The following ADCY8 variants were observed in gnomAD, a reference collection of about 807,000 sequenced individuals.
The protein encoded by ADCY8 is adenylate cyclase type 8.
Under a neutral mutation model 119.7 loss-of-function variants are expected in ADCY8, and 51 were observed. The ratio of observed to expected loss-of-function variants is 0.43; its 90% confidence interval spans 0.34 to 0.54. The LOEUF (loss-of-function observed/expected upper bound fraction) is 0.54. Among genes scored for constraint, ADCY8 ranks in the 20% least tolerant of loss-of-function variants. The pLI, the probability that ADCY8 is intolerant of heterozygous loss-of-function variation, is 0.03. For synonymous variants in ADCY8, 665 were observed against 651.0 expected, an observed-to-expected ratio of 1.02 and a Z score of -0.33; for missense variants, 1,383 against 1,598.8, an observed-to-expected ratio of 0.87 and a Z score of 2.30.
At chr8:130,853,462 G>T (rs1427312934) in intron 9 of ADCY8, among the ~76,000 whole-genome samples, 4 of 152,220 alleles carry the variant, frequency 2.6e-5, no homozygotes, top group Non-Finnish European at 4.4e-5. Context: ...GCAGAGAAGA[G>T]ATTCAGGATG....
chr8:130,948,529 C>T (rs1056618434), intron 3 of ADCY8, among the ~76,000 whole-genome samples: 11 of 152,000 alleles, frequency 7.2e-5, no homozygotes, highest in African/African-American at 2.7e-4. Flanking sequence ...CACACGAATG[C>T]CCCCAAGCAT....
intron 13 of ADCY8, among the ~76,000 whole-genome samples, chr8:130,820,403 C>A (rs1194571161): frequency 6.6e-6 from 1 of 152,114 alleles, no homozygotes; most frequent in African/African-American, 2.4e-5. Context: ...TTGAAGTACA[C>A]ACAGACCACA....
Position 130,828,192 on chromosome 8 carries a change from A to AT in ADCY8, c.2676-6773dup, listed in dbSNP as rs1205711454. On this transcript the variant is annotated intron_variant, in intron 12 of 17. Coordinates refer to ENST00000286355, the MANE Select transcript of ADCY8 (RefSeq NM_001115.3). Reference sequence around the variant, plus strand: ...TCCTCCTTTCCTGTCTGAGACAGCCATGTCTCCTATCCTCTCTGTGTATGC... The same window carrying AT: ...TCCTCCTTTCCTGTCTGAGACAGCCATTGTCTCCTATCCTCTCTGTGTATGC... 8.5e-5 allele frequency among the ~76,000 whole-genome samples: 13 copies of AT among 152,300 alleles called. No homozygotes were observed. The East Asian group carries it at 2.5e-3, about 29-fold the overall frequency.
intron 7 of ADCY8, among the ~76,000 whole-genome samples, chr8:130,890,122 G>A (rs530542905): frequency 8.7e-5 from 13 of 150,018 alleles, no homozygotes; most frequent in African/African-American, 2.7e-4. Context: ...GTGGATAGAC[G>A]AAAGGTCAAG....
chr8:130,815,616 A>T (rs944847126), intron 13 of ADCY8, among the ~76,000 whole-genome samples: 1 of 152,262 alleles, frequency 6.6e-6, no homozygotes, highest in African/African-American at 2.4e-5. Flanking sequence ...TTTGAACTTG[A>T]TTCAAAAATC....
chr8:130,984,348 T>C (rs1386398971), intron 2 of ADCY8, among the ~76,000 whole-genome samples: 1 of 152,224 alleles, frequency 6.6e-6, no homozygotes, highest in Non-Finnish European at 1.5e-5. Flanking sequence ...ATATGAATAC[T>C]GCTCTCTGGA....
chr8:130,862,487 T>A (rs11987978), intron 9 of ADCY8, among the ~76,000 whole-genome samples: 97,121 of 151,938 alleles, frequency 0.64, 31,507 homozygotes, highest in African/African-American at 0.75. Context: ...ATCTTGGCTC[T>A]CTGCAAGCTC....
chr8:130,800,353 C>A, intron 15 of ADCY8, 73 bp downstream of exon 15: 2 of 1,511,260 alleles, frequency 1.3e-6, no homozygotes, highest in Non-Finnish European at 1.8e-6. Flanking sequence ...ATAAGTAATT[C>A]CTACAATGAA....
chr8:131,021,002 A>G (rs1173886039), intron 1 of ADCY8, among the ~76,000 whole-genome samples: 1 of 152,238 alleles, frequency 6.6e-6, no homozygotes, highest in African/African-American at 2.4e-5. Flanking sequence ...CATAAAATGT[A>G]AATGGCTCTA....
At chr8:130,895,958 G>A (rs1403573026) in intron 7 of ADCY8, among the ~76,000 whole-genome samples, 1 of 152,108 alleles carries the variant, frequency 6.6e-6, no homozygotes, top group Admixed American at 6.6e-5. Context: ...GGAATTTCAG[G>A]TCAGAATTCC....
At chr8:130,986,757 T>C (rs1822414218) in intron 2 of ADCY8, among the ~76,000 whole-genome samples, 1 of 152,202 alleles carries the variant, frequency 6.6e-6, no homozygotes, top group Non-Finnish European at 1.5e-5. Context: ...TTAACACAGA[T>C]CTGTCAAAGA....
chr8:130,849,573 C>T, intron 10 of ADCY8, 29 bp downstream of exon 10: 7 of 1,611,186 alleles, frequency 4.3e-6, no homozygotes, highest in Non-Finnish European at 5.1e-6. Context: ...CACTAGACAC[C>T]AGAGGGTTGG....
At chr8:130,977,464 C>A (rs1245505100) in intron 2 of ADCY8, among the ~76,000 whole-genome samples, 1 of 152,084 alleles carries the variant, frequency 6.6e-6, no homozygotes, top group African/African-American at 2.4e-5. Context: ...TTGGTTTCTC[C>A]CTTTACTTAT....
At chr8:130,897,535 T>C (rs1819435868) in intron 7 of ADCY8, among the ~76,000 whole-genome samples, 1 of 151,396 alleles carries the variant, frequency 6.6e-6, no homozygotes. Context: ...GCGAGGACAC[T>C]CAGGCAATGA....
At chr8:130,994,606 T>C (rs1255399495) in intron 1 of ADCY8, among the ~76,000 whole-genome samples, 1 of 152,240 alleles carries the variant, frequency 6.6e-6, no homozygotes, top group Non-Finnish European at 1.5e-5. Flanking sequence ...AATAAACAAC[T>C]GTGAGGAATC....
At chr8:131,008,527 A>C (rs527560887) in intron 1 of ADCY8, among the ~76,000 whole-genome samples, 1 of 152,328 alleles carries the variant, frequency 6.6e-6, no homozygotes, top group East Asian at 1.9e-4. Context: ...CCAGCCAGCC[A>C]TGTGGAACTG....
rs907493166 is a variant in ADCY8, at chr8:130,951,945, G to A, written c.1164C>T (p.Asn388=). The change falls in exon 3 of 18, where the codon AAC becomes AAT. Residue 388 remains asparagine (N), a synonymous_variant. Coordinates refer to ENST00000286355, the MANE Select transcript of ADCY8 (RefSeq NM_001115.3). ...LPRFVVLEMI[N]DMTNVEDEHL... ...GCTCATCTTCCACATTGGTCATGTC[G>A]TTGATCATTTCCAGGACAACAAACC... The A allele has an allele frequency of 1.5e-5, 24 of 1,613,922 alleles. No homozygotes were observed. Among genetic ancestry groups the A allele is most frequent in the East Asian group, 1.1e-4 (5 of 44,892 alleles).
At chr8:130,856,944 A>G (rs996721863) in intron 9 of ADCY8, among the ~76,000 whole-genome samples, 1 of 152,184 alleles carries the variant, frequency 6.6e-6, no homozygotes, top group Admixed American at 6.5e-5. Flanking sequence ...GTCATTAGTA[A>G]CTTTTTAAAA....
At chr8:131,017,823 GA>G (rs34885480) in intron 1 of ADCY8, among the ~76,000 whole-genome samples, 72,703 of 148,652 alleles carry the variant, frequency 0.49, 17,737 homozygotes, top group East Asian at 0.69. Context: ...CCATGTAAGA[GA>G]AAAAAAAAAA....
Sources: allele counts gnomAD v4.1 joint callset (sites outside exome capture counted in the v4.1 genomes callset), GRCh38; gene constraint gnomAD v4.1.1; transcripts MANE v1.5; gene names NCBI Gene and HGNC (gene_info 2026-07-23, HGNC 2026-07-21).